Variants in DMRT1 observed in about 807,000 individuals in gnomAD.
DMRT1 encodes the protein doublesex and mab-3 related transcription factor 1, also known as doublesex- and mab-3-related transcription factor 1.
A neutral mutation model predicts 32.3 loss-of-function variants in DMRT1; 7 were observed. The ratio of observed to expected loss-of-function variants is 0.22; its 90% CI spans 0.12 to 0.41. The LOEUF is 0.41. DMRT1 is among the 10% of genes least tolerant of loss of function. The pLI, the probability that DMRT1 is intolerant of heterozygous loss-of-function variation, is 1.00. For missense variants in DMRT1, 625 were observed against 500.5 expected (o/e 1.25, Z -2.37); for synonymous variants, 278 against 206.1 (o/e 1.35, Z -2.99).
intron 3 of DMRT1, among the ~76,000 whole-genome samples, chr9:909,312 A>T (rs1166521065): frequency 6.6e-6 from 1 of 152,162 alleles, no homozygotes; most frequent in African/African-American, 2.4e-5. Context: ...TAGCCTATAT[A>T]TTAAAATTTT....
At chr9:878,074 T>C (rs796104738) in intron 2 of DMRT1, among the ~76,000 whole-genome samples, 17 of 152,276 alleles carry the variant, frequency 1.1e-4, no homozygotes, top group African/African-American at 4.1e-4. Context: ...TAATGGGCAA[T>C]TACAGATAAT....
intron 4 of DMRT1, among the ~76,000 whole-genome samples, chr9:962,147 G>A (rs1224945960): frequency 6.6e-6 from 1 of 152,188 alleles, no homozygotes; most frequent in Non-Finnish European, 1.5e-5. Flanking sequence ...TGTTTGGATT[G>A]CGTGTATCAC....
intron 3 of DMRT1, among the ~76,000 whole-genome samples, chr9:900,092 A>T (rs1817514559): frequency 6.6e-6 from 1 of 152,214 alleles, no homozygotes; most frequent in Non-Finnish European, 1.5e-5. Flanking sequence ...AAACACAAAA[A>T]TTGGGAAAAG....
Position 852,094 on chromosome 9 carries a change from C to T in DMRT1, c.538+4951C>T, listed in dbSNP as rs951210320. 2.0e-5 allele frequency among the ~76,000 whole-genome samples: 3 copies of T among 151,872 alleles called. No homozygotes were observed. The East Asian group carries it at 5.8e-4, about 29-fold the overall frequency. On this transcript the variant is annotated intron_variant, in intron 2 of 4. Coordinates refer to ENST00000382276, the MANE Select transcript of DMRT1 (RefSeq NM_021951.3). ...AGCTGGGATTACAGGCGATCACCAC[C>T]ACCCGTTTAATTTTTGTATTTTAGT...
chr9:876,044 T>C (rs1816486767), intron 2 of DMRT1, among the ~76,000 whole-genome samples: 1 of 152,168 alleles, frequency 6.6e-6, no homozygotes, highest in South Asian at 2.1e-4. Flanking sequence ...ATGGCATGCT[T>C]TGCTGCACCC....
chr9:893,768 G>A lies in DMRT1; in HGVS notation c.539-144G>A, dbSNP rs1289842958. Reference sequence around the variant, plus strand: ...ACCTTAGAAACTCTCCCTTATTTTGGCTATAGGAGAAGCAACAGATGGTTT... The same window carrying A: ...ACCTTAGAAACTCTCCCTTATTTTGACTATAGGAGAAGCAACAGATGGTTT... On this transcript the variant is annotated intron_variant, in intron 2 of 4. Coordinates refer to ENST00000382276, the MANE Select transcript of DMRT1 (RefSeq NM_021951.3). The A allele has an allele frequency of 1.2e-5, 9 of 734,400 alleles. No homozygotes were observed. In the Admixed American group the frequency reaches 1.5e-4, roughly 12 times the overall value. The allele number at this position is 734,400 out of a possible 1,614,324, so 45.5% of individuals were successfully genotyped here.
At chr9:864,420 T>A (rs1364326175) in intron 2 of DMRT1, among the ~76,000 whole-genome samples, 2 of 151,812 alleles carry the variant, frequency 1.3e-5, no homozygotes, top group Non-Finnish European at 2.9e-5. Flanking sequence ...CTTGAACTCC[T>A]GACCTCAGGT....
chr9:910,443 A>G (rs986690281), intron 3 of DMRT1, among the ~76,000 whole-genome samples: 1 of 152,084 alleles, frequency 6.6e-6, no homozygotes, highest in Admixed American at 6.6e-5. Flanking sequence ...ATTCACCTGG[A>G]TAGACTGTTC....
At chr9:872,631 C>T (rs959146304) in intron 2 of DMRT1, among the ~76,000 whole-genome samples, 10 of 152,106 alleles carry the variant, frequency 6.6e-5, no homozygotes, top group African/African-American at 2.4e-4. Context: ...GAGGTTCATC[C>T]GTGTTGTAGC....
rs201141931 is a variant in DMRT1 at position 911,470 on chromosome 9, ATTTTTTTTTTTTTTTTTTTTTTTTT to A, written c.823-5276_823-5252del. Among the ~76,000 whole-genome samples, 50 of 67,000 alleles carry A rather than the reference ATTTTTTTTTTTTTTTTTTTTTTTTT, an allele frequency of 7.5e-4. 1 individual carries two copies. Among genetic ancestry groups the A allele is most frequent in the African/African-American group, 1.4e-3 (37 of 25,898 alleles). The allele number at this position is 67,000 out of a possible 152,430, so 44.0% of individuals were successfully genotyped here. A position where few individuals can be genotyped will look rare whatever the true frequency, so the allele number is the denominator to read the frequency against. On this transcript the variant is annotated intron_variant, in intron 3 of 4. Coordinates refer to ENST00000382276, the MANE Select transcript of DMRT1 (RefSeq NM_021951.3). ...CCATGCCTTTTTCTGGGTTAATTGCATTTTTTTTTTTTTTTTTTTTTTTTTTTTTTTTTTTTTTTTTAGATGGAGT... is the reference window on the plus strand; with the variant it reads ...CCATGCCTTTTTCTGGGTTAATTGCATTTTTTTTTTTTTTTTAGATGGAGT...
At chr9:956,636 T>G (rs1355782261) in intron 4 of DMRT1, among the ~76,000 whole-genome samples, 1 of 150,982 alleles carries the variant, frequency 6.6e-6, no homozygotes, top group Non-Finnish European at 1.5e-5. Context: ...AATGATGAAA[T>G]GATAAATGTT....
chr9:912,464 C>G (rs1818023913), intron 3 of DMRT1, among the ~76,000 whole-genome samples: 1 of 152,160 alleles, frequency 6.6e-6, no homozygotes, highest in Non-Finnish European at 1.5e-5. Flanking sequence ...ATATAAATAA[C>G]TAAATTCCTA....
At chr9:853,301 C>G (rs1256111465) in intron 2 of DMRT1, among the ~76,000 whole-genome samples, 3 of 152,016 alleles carry the variant, frequency 2.0e-5, no homozygotes, top group African/African-American at 7.2e-5. Flanking sequence ...TGTTGATGTA[C>G]TTTTTAATGG....
At chr9:877,267 C>T (rs916516120) in intron 2 of DMRT1, among the ~76,000 whole-genome samples, 3 of 152,160 alleles carry the variant, frequency 2.0e-5, no homozygotes, top group Non-Finnish European at 4.4e-5. Flanking sequence ...TGGTCTCGTT[C>T]CCAGGATATA....
chr9:920,015 G>T (rs1396942337), intron 4 of DMRT1, among the ~76,000 whole-genome samples: 1 of 152,164 alleles, frequency 6.6e-6, no homozygotes, highest in African/African-American at 2.4e-5. Context: ...AATTATTGAG[G>T]TAAAGAAGAC....
At chr9:957,986 G>A (rs1030245998) in intron 4 of DMRT1, among the ~76,000 whole-genome samples, 1 of 152,108 alleles carries the variant, frequency 6.6e-6, no homozygotes, top group African/African-American at 2.4e-5. Context: ...TCCAGCTTGG[G>A]GGATAGAGCG....
At chr9:886,900 T>C (rs1048037266) in intron 2 of DMRT1, among the ~76,000 whole-genome samples, 3 of 152,202 alleles carry the variant, frequency 2.0e-5, no homozygotes, top group African/African-American at 7.2e-5. Context: ...CTTATGCTTA[T>C]CCTCTGTCAG....
intron 1 of DMRT1, among the ~76,000 whole-genome samples, chr9:843,954 G>A (rs938108066): frequency 1.4e-4 from 22 of 152,242 alleles, no homozygotes; most frequent in Admixed American, 1.4e-3. Flanking sequence ...TACACTGGGT[G>A]TGGCAGTAAA....
intron 2 of DMRT1, among the ~76,000 whole-genome samples, chr9:872,294 C>T (rs1158318056): frequency 6.6e-6 from 1 of 152,068 alleles, no homozygotes; most frequent in Non-Finnish European, 1.5e-5. Context: ...AACTCCTGAC[C>T]TTGTGATCCA....
Sources: allele counts gnomAD v4.1 joint callset (sites outside exome capture counted in the v4.1 genomes callset), GRCh38; gene constraint gnomAD v4.1.1; transcripts MANE v1.5; gene names NCBI Gene and HGNC (gene_info 2026-07-23, HGNC 2026-07-21).